The following TMEM164 variants were observed in gnomAD, a reference collection of about 807,000 sequenced individuals.
The protein encoded by TMEM164 is RP13-360B22.2.
A neutral mutation model predicts 18.8 loss-of-function variants in TMEM164; 4 were observed. That is an observed-to-expected ratio of 0.21 (90% confidence interval 0.10 to 0.49). The LOEUF (loss-of-function observed/expected upper bound fraction) is 0.49. Ranked by LOEUF, TMEM164 falls within the 20% of genes least tolerant of loss-of-function variation. The pLI is 0.98. For synonymous variants in TMEM164, 86 were observed against 101.7 expected (o/e 0.85, Z 0.93); for missense variants, 108 against 239.9 (o/e 0.45, Z 3.63).
chrX:110,120,225 G>A (rs1569337771), intron 4 of TMEM164, among the ~76,000 whole-genome samples: 1 of 112,235 alleles, frequency 8.9e-6, no homozygotes, highest in African/African-American at 3.2e-5. Flanking sequence ...CTTGGCCCTT[G>A]TTTGCCTTGG....
At chrX:110,054,556 C>T (rs1374613965) in intron 2 of TMEM164, among the ~76,000 whole-genome samples, 1 of 111,903 alleles carries the variant, frequency 8.9e-6, no homozygotes, top group African/African-American at 3.2e-5. Context: ...TGAGCTCTAC[C>T]ACCAGCTCAC....
chrX:110,030,108 G>GTTTTT (rs34803907), intron 2 of TMEM164, among the ~76,000 whole-genome samples: 4 of 26,994 alleles, frequency 1.5e-4, no homozygotes, highest in Non-Finnish European at 1.3e-4. Flanking sequence ...TTCTCTGTCT[G>GTTTTT]TTTTTTTTTT....
At chrX:110,037,809 AAATTAAGTTGAACCTTTC>A (rs1005386686) in intron 2 of TMEM164, among the ~76,000 whole-genome samples, 6 of 111,869 alleles carry the variant, frequency 5.4e-5, no homozygotes, top group African/African-American at 2.0e-4. Context: ...TTTAACCTTT[AAATTAAGTTGAACCTTTC>A]AATTAAGTTG....
At chrX:110,094,304 A>G (rs1451046685) in intron 3 of TMEM164, among the ~76,000 whole-genome samples, 2 of 111,424 alleles carry the variant, frequency 1.8e-5, no homozygotes, top group African/African-American at 6.5e-5. Context: ...TCCTATTATT[A>G]TTGTGTGGGA....
chrX:110,170,869 G>A (rs934894548), intron 5 of TMEM164, among the ~76,000 whole-genome samples: 7 of 111,737 alleles, frequency 6.3e-5, no homozygotes, highest in Admixed American at 5.7e-4. Context: ...CATTTTACAG[G>A]CAAGTAAACT....
intron 3 of TMEM164, among the ~76,000 whole-genome samples, chrX:110,073,026 T>C (rs2065619062): frequency 9.1e-6 from 1 of 110,193 alleles, no homozygotes; most frequent in Non-Finnish European, 1.9e-5. Flanking sequence ...CCATTGTTTG[T>C]TGTTTTTATT....
chrX:110,166,939 C>T (rs1244693560), intron 5 of TMEM164, among the ~76,000 whole-genome samples: 1 of 112,098 alleles, frequency 8.9e-6, no homozygotes, highest in African/African-American at 3.2e-5. Context: ...TCTGTGTAGA[C>T]TGGATCATCT....
In TMEM164 at chrX:110,124,537, G is replaced by A. The variant is rs1251560212; in HGVS notation, c.507+15391G>A. Among the ~76,000 whole-genome samples, 6 of 110,570 alleles carry A rather than the reference G, an allele frequency of 5.4e-5. No homozygotes were observed. In the South Asian group the frequency reaches 1.5e-3, roughly 28 times the overall value. On this transcript the variant is annotated intron_variant, in intron 4 of 6. Transcript: ENST00000372068. ...GAAAGAGTGATCACTTCTGGGTCCC[G>A]GTACTGCATGGGTGCCAGTTGAGGA...
intron 4 of TMEM164, among the ~76,000 whole-genome samples, chrX:110,139,932 G>T (rs960671506): frequency 9.0e-5 from 10 of 111,154 alleles, no homozygotes; most frequent in Non-Finnish European, 1.7e-4. Context: ...CATGACAGAG[G>T]TTATGGAGAG....
intron 5 of TMEM164, among the ~76,000 whole-genome samples, chrX:110,160,773 C>A (rs980983444): frequency 8.9e-6 from 1 of 112,034 alleles, no homozygotes; most frequent in Non-Finnish European, 1.9e-5. Context: ...CAGAGTCTTG[C>A]TCCGTCACCC....
chrX:110,069,334 T>C (rs1054478638), intron 3 of TMEM164, among the ~76,000 whole-genome samples: 3 of 111,765 alleles, frequency 2.7e-5, no homozygotes, highest in African/African-American at 9.7e-5. Flanking sequence ...ATGGTTCTTT[T>C]GTAATTTTGA....
At chrX:110,091,729 A>G (rs1461182979) in intron 3 of TMEM164, among the ~76,000 whole-genome samples, 1 of 111,481 alleles carries the variant, frequency 9.0e-6, no homozygotes, top group African/African-American at 3.3e-5. Flanking sequence ...CCCATTTGTC[A>G]ATTTTGTCTT....
chrX:110,093,018 A>T (rs1290391764), intron 3 of TMEM164, among the ~76,000 whole-genome samples: 2 of 111,437 alleles, frequency 1.8e-5, no homozygotes, highest in Non-Finnish European at 3.8e-5. Context: ...ATGTTTATTG[A>T]TTTGCATGTG....
chrX:110,008,393 C>G, intron 2 of TMEM164, among the ~76,000 whole-genome samples: 1 of 111,829 alleles, frequency 8.9e-6, no homozygotes, highest in Non-Finnish European at 1.9e-5. Flanking sequence ...CACTGATTAT[C>G]ATTCCTGCTT....
At chrX:110,169,864 G>C (rs1406387243) in intron 5 of TMEM164, among the ~76,000 whole-genome samples, 1 of 111,311 alleles carries the variant, frequency 9.0e-6, no homozygotes, top group Non-Finnish European at 1.9e-5. Flanking sequence ...GGGCTTTTCA[G>C]TTTGACAGTC....
chrX:110,157,351 A>C (rs2067030933), intron 5 of TMEM164, among the ~76,000 whole-genome samples: 1 of 111,777 alleles, frequency 8.9e-6, no homozygotes, highest in African/African-American at 3.3e-5. Flanking sequence ...TCCTCAGAGA[A>C]GTGGGAATTA....
intron 4 of TMEM164, among the ~76,000 whole-genome samples, chrX:110,125,672 C>T (rs927659781): frequency 8.9e-5 from 10 of 112,416 alleles, no homozygotes; most frequent in African/African-American, 2.9e-4. Context: ...TTTCTGTGCA[C>T]GGAGTTTGGA....
At chrX:110,008,613 C>T (rs1405293587) in intron 2 of TMEM164, among the ~76,000 whole-genome samples, 1 of 111,578 alleles carries the variant, frequency 9.0e-6, no homozygotes, top group African/African-American at 3.3e-5. Flanking sequence ...TTCATTGTTA[C>T]AGTCATTGGG....
chrX:110,056,318 T>A (rs965325253), intron 2 of TMEM164, among the ~76,000 whole-genome samples: 3 of 112,040 alleles, frequency 2.7e-5, no homozygotes, highest in African/African-American at 9.7e-5. Flanking sequence ...TCACTTAGTA[T>A]GTTTTCGAGA....
Sources: gnomAD v4.1 joint callset for allele counts (sites outside exome capture counted in the v4.1 genomes callset) on GRCh38, gnomAD v4.1.1 for gene constraint, MANE v1.5 for transcripts, NCBI Gene and HGNC (gene_info 2026-07-23, HGNC 2026-07-21) for gene names.